The following SCAF11 variants were observed in gnomAD, a reference collection of about 807,000 sequenced individuals.
SCAF11 encodes SR-related CTD associated factor 11.
SCAF11 carries 47 observed loss-of-function variants against 140.5 expected under a neutral mutation model. That is an observed-to-expected ratio of 0.33 (90% CI 0.26 to 0.43). The LOEUF is 0.43. Ranked by LOEUF, SCAF11 falls within the 20% of genes least tolerant of loss-of-function variation. The pLI is 1.00. For missense variants in SCAF11, 1,645 were observed against 1,705.1 expected (o/e 0.96, Z 0.62); for synonymous variants, 557 against 579.4 (o/e 0.96, Z 0.55).
At chr12:45,961,271 A>G (rs555183224) in intron 3 of SCAF11, 1 of 714,062 alleles carries the variant, frequency 1.4e-6, no homozygotes, top group Admixed American at 2.0e-5. Context: ...TGCTCTGGTT[A>G]TTCCACAAGG....
intron 2 of SCAF11, among the ~76,000 whole-genome samples, chr12:45,962,639 G>A (rs1945855728): frequency 6.6e-6 from 1 of 152,142 alleles, no homozygotes; most frequent in Non-Finnish European, 1.5e-5. Context: ...CAGCTGAAAT[G>A]TGAACAGTAA....
At chr12:45,978,574 G>C (rs1379921984) in intron 1 of SCAF11, among the ~76,000 whole-genome samples, 1 of 152,128 alleles carries the variant, frequency 6.6e-6, no homozygotes, top group African/African-American at 2.4e-5. Flanking sequence ...GAGCACTTGG[G>C]TCAACAGCAC....
intron 1 of SCAF11, among the ~76,000 whole-genome samples, chr12:45,977,135 T>C (rs1007480871): frequency 3.3e-5 from 5 of 151,814 alleles, no homozygotes; most frequent in Admixed American, 2.0e-4. Flanking sequence ...ACTTCCCAAA[T>C]CATTTTATGA....
chr12:45,934,467 C>T lies in SCAF11; in HGVS notation c.502G>A (p.Ala168Thr). 6.3e-7 allele frequency: 1 copy of T among 1,595,276 alleles called. No individual in the cohort carries two copies. Residue 168 changes from alanine (A) to threonine (T), a missense_variant, in exon 7 of 15, where the codon GCA (alanine) becomes ACA (threonine). Around this residue, in one of 2 missense-constraint regions of SCAF11, gnomAD observed 1,582 missense variants for 1,609.2 expected, o/e 0.98. Coordinates refer to ENST00000369367, the MANE Select transcript of SCAF11 (RefSeq NM_004719.3). ...CAAACCTTATTTATCTTTATTGCTG[C>T]ATTTTTCTTTCCTCCTGTTTCACTG... ...LYSETGGKKN[A>T]AIKINKPQRS...
At chr12:45,922,244 A>T (rs551119016) in intron 14 of SCAF11, 50 bp from the exon 15 acceptor site, 3 of 1,546,716 alleles carry the variant, frequency 1.9e-6, no homozygotes, top group Admixed American at 4.6e-5. Context: ...TAAAGGGATT[A>T]AAGCCAAAAT....
chr12:45,946,419 T>C (rs1419651175), intron 5 of SCAF11, among the ~76,000 whole-genome samples: 2 of 152,228 alleles, frequency 1.3e-5, no homozygotes, highest in African/African-American at 4.8e-5. Flanking sequence ...ACAGAGATTT[T>C]CCACCTTGGG....
rs1400083837 is a variant in SCAF11 at position 45,920,850 on chromosome 12, T to C, written c.*1198A>G. 1 of 152,322 alleles carries C rather than the reference T, an allele frequency of 6.6e-6. No individual in the cohort carries two copies. The highest frequency in any genetic ancestry group is 1.5e-5 in the Non-Finnish European group (1 of 68,032). 9.4% of individuals were successfully genotyped at this position (152,322 alleles called of 1,614,324 possible). On this transcript the variant is annotated 3_prime_UTR_variant, in exon 15 of 15. Transcript: ENST00000369367. ...AACTTTACGCCAGTGCCATGAGTCT[T>C]GTAATTCTTAGCCCCAAGGAAGGGA...
At chr12:45,932,071 C>CCA (rs1165509208) in intron 9 of SCAF11, among the ~76,000 whole-genome samples, 1 of 152,006 alleles carries the variant, frequency 6.6e-6, no homozygotes, top group Non-Finnish European at 1.5e-5. Flanking sequence ...GTGTTAACCA[C>CCA]CACCCCAATC....
At position 45,928,395 on chromosome 12, in the gene SCAF11, G is replaced by T; in HGVS notation, c.1306C>A (p.Gln436Lys). 2 of 1,614,000 alleles carry T rather than the reference G, an allele frequency of 1.2e-6. No homozygotes were observed. Among genetic ancestry groups the T allele is most frequent in the Non-Finnish European group, 1.7e-6 (2 of 1,179,906 alleles). Residue 436 changes from glutamine (Q) to lysine (K), a missense_variant, in exon 11 of 15, where the codon CAG becomes AAG. Physicochemically the swap from Gln to Lys is moderately conservative, Grantham distance 53. This residue lies in a region of SCAF11 where 1,582 missense variants were observed against 1,609.2 expected (regional missense o/e 0.98). Coordinates refer to ENST00000369367, the MANE Select transcript of SCAF11 (RefSeq NM_004719.3). Reference sequence around the variant, plus strand: ...GCAGACTGGTTTTCTACATGAGTCTGCACAGTACAAATGTTACTACTGTCT... The same window carrying T: ...GCAGACTGGTTTTCTACATGAGTCTTCACAGTACAAATGTTACTACTGTCT... The part of the protein sequence containing the change: ...DVDSSNICTV[Q>K]THVENQSANC...
chr12:45,972,973 TATATAGATATATAG>T (rs1470273951), intron 1 of SCAF11, among the ~76,000 whole-genome samples: 21 of 143,192 alleles, frequency 1.5e-4, no homozygotes, highest in African/African-American at 3.9e-4. Flanking sequence ...TATATATAGA[TATATAGATATATAG>T]ATATAGATAT....
chr12:45,968,179 A>G (rs1001229057), intron 1 of SCAF11, among the ~76,000 whole-genome samples: 6 of 152,244 alleles, frequency 3.9e-5, no homozygotes, highest in South Asian at 2.1e-4. Flanking sequence ...TTAATTATCT[A>G]TAAGTCAAAT....
At chr12:45,933,329 G>A in intron 8 of SCAF11, 97 bp from the exon 9 acceptor site, 1 of 682,720 alleles carries the variant, frequency 1.5e-6, no homozygotes, top group Non-Finnish European at 2.5e-6. Flanking sequence ...TTTTGTACCT[G>A]GCATTATGAA....
chr12:45,961,479 T>C (rs1433066433), intron 3 of SCAF11: 1 of 578,442 alleles, frequency 1.7e-6, no homozygotes, highest in Non-Finnish European at 3.1e-6. Flanking sequence ...TATTAACTTT[T>C]TTTAAAAAAG....
chr12:45,966,380 T>C (rs1945948391), intron 1 of SCAF11, among the ~76,000 whole-genome samples: 1 of 151,806 alleles, frequency 6.6e-6, no homozygotes, highest in Non-Finnish European at 1.5e-5. Context: ...ATACTATAGG[T>C]ATACTAGGCA....
In SCAF11 at chr12:45,961,866, G is replaced by C; in HGVS notation, c.62-9C>G. ...ATCTCCGTTTTCTTCACCTGTTAAA[G>C]TAAAACAGCCATATGTGCTTTCAAG... On this transcript the variant is annotated splice_polypyrimidine_tract_variant and intron_variant, in intron 2 of 14. Transcript: ENST00000369367. The C allele has an allele frequency of 6.3e-7, 1 of 1,593,362 alleles. No homozygotes were observed.
At chr12:45,987,641 C>T (rs1005370658) in intron 1 of SCAF11, among the ~76,000 whole-genome samples, 1 of 152,066 alleles carries the variant, frequency 6.6e-6, no homozygotes, top group Non-Finnish European at 1.5e-5. Flanking sequence ...AAGACCACAA[C>T]AGCGTAGGGG....
Position 45,927,618 on chromosome 12 carries a change from T to A in SCAF11, c.2083A>T (p.Thr695Ser). ...NESLTEHPRS[T>S]ELPKTHIEQI... The stretch of plus-strand genomic sequence containing the variant: ...TCAATGTGTGTTTTAGGCAACTCTG[T>A]AGATCTAGGATGTTCGGTCAGCGAT... The change falls in exon 11 of 15, where the codon ACA becomes TCA. Residue 695 changes from threonine to serine, a missense_variant. This residue lies in a region of SCAF11 where 1,582 missense variants were observed against 1,609.2 expected (regional missense o/e 0.98). Transcript: ENST00000369367. 6.2e-7 allele frequency: 1 copy of A among 1,613,090 alleles called. No individual in the cohort carries two copies. Among genetic ancestry groups the A allele is most frequent in the South Asian group, 1.1e-5 (1 of 91,076 alleles).
At chr12:45,940,536 C>G (rs890207829) in intron 6 of SCAF11, among the ~76,000 whole-genome samples, 2 of 152,138 alleles carry the variant, frequency 1.3e-5, no homozygotes, top group African/African-American at 4.8e-5. Context: ...CAATTATTAG[C>G]AATGTGATCT....
In SCAF11 at chr12:45,953,672, G is replaced by A. The variant is rs909292263; in HGVS notation, c.220-1945C>T. Among the ~76,000 whole-genome samples, 12 of 151,960 alleles carry A rather than the reference G, an allele frequency of 7.9e-5. 1 individual carries two copies. The highest frequency in any genetic ancestry group is 1.6e-4 in the Non-Finnish European group (11 of 67,998). On this transcript the variant is annotated intron_variant, in intron 3 of 14. Transcript: ENST00000369367. ...AGAAACATTAAAAAAAGGTTATGTG[G>A]TAATAAATGAAAATTTGTTTTTTCG...
Sources: allele counts gnomAD v4.1 joint callset (sites outside exome capture counted in the v4.1 genomes callset), GRCh38; gene constraint gnomAD v4.1.1; regional missense constraint gnomAD v4.1.1; transcripts MANE v1.5; gene names NCBI Gene and HGNC (gene_info 2026-07-23, HGNC 2026-07-21).